The following PTPRK variants were observed in gnomAD, a reference collection of about 807,000 sequenced individuals.
The protein encoded by PTPRK is receptor-type tyrosine-protein phosphatase kappa.
In PTPRK, 75 loss-of-function variants were observed where a neutral mutation model predicts 178.0. The observed-to-expected ratio is 0.42, with a 90% CI of 0.35 to 0.51. The LOEUF (loss-of-function observed/expected upper bound fraction) is 0.51, where lower values mean the gene tolerates loss of function less well. Ranked by LOEUF, PTPRK falls within the 20% of genes least tolerant of loss-of-function variation. The pLI is 0.02. For missense variants in PTPRK, 1,441 were observed against 1,797.8 expected (o/e 0.80, Z 3.59); for synonymous variants, 637 against 620.6 (o/e 1.03, Z -0.39).
intron 29 of PTPRK, among the ~76,000 whole-genome samples, chr6:127,970,685 T>C (rs1383247166): frequency 6.6e-6 from 1 of 152,062 alleles, no homozygotes; most frequent in Admixed American, 6.6e-5. Flanking sequence ...AATATCACCT[T>C]AGTTTGCCTC....
chr6:128,498,263 T>C (rs548887783), intron 1 of PTPRK, among the ~76,000 whole-genome samples: 4 of 152,316 alleles, frequency 2.6e-5, no homozygotes, highest in African/African-American at 7.2e-5. Flanking sequence ...TCCTGGATAC[T>C]GAGGGGACTT....
chr6:128,462,509 T>C (rs928023978), intron 1 of PTPRK, among the ~76,000 whole-genome samples: 2 of 151,918 alleles, frequency 1.3e-5, no homozygotes, highest in East Asian at 1.9e-4. Context: ...TGGCTCAAAA[T>C]AGATCTAGAG....
intron 6 of PTPRK, among the ~76,000 whole-genome samples, chr6:128,204,883 T>C (rs539655627): frequency 2.6e-5 from 4 of 152,236 alleles, no homozygotes; most frequent in Non-Finnish European, 5.9e-5. Flanking sequence ...GAGGCAGAAA[T>C]ACCATTTGAC....
intron 1 of PTPRK, among the ~76,000 whole-genome samples, chr6:128,492,734 C>T (rs1854007074): frequency 6.6e-6 from 1 of 152,168 alleles, no homozygotes; most frequent in Admixed American, 6.5e-5. Flanking sequence ...TCAAGTTGGA[C>T]TGTTTGGCCT....
intron 7 of PTPRK, among the ~76,000 whole-genome samples, chr6:128,093,310 G>A (rs549819017): frequency 6.6e-5 from 10 of 151,946 alleles, no homozygotes; most frequent in Non-Finnish European, 1.5e-4. Flanking sequence ...GAAACAAAGT[G>A]ATGCTGGGCA....
Position 128,064,013 on chromosome 6 carries a change from C to A in PTPRK, c.2194+745G>T, listed in dbSNP as rs1224929168. On this transcript the variant is annotated intron_variant, in intron 13 of 29. Transcript: ENST00000368226. Reference sequence around the variant, plus strand: ...CTTTGAGGAGGCCCACGTCTGCATGCAGACAGCTTTTTCATGTTTCTCTTG... The same window carrying A: ...CTTTGAGGAGGCCCACGTCTGCATGAAGACAGCTTTTTCATGTTTCTCTTG... Among the ~76,000 whole-genome samples the A allele has an allele frequency of 2.0e-5, 3 of 152,206 alleles. No individual in the cohort carries two copies. The East Asian group carries it at 5.8e-4, about 29-fold the overall frequency.
At chr6:128,013,918 T>C (rs1779317309) in intron 13 of PTPRK, among the ~76,000 whole-genome samples, 2 of 151,514 alleles carry the variant, frequency 1.3e-5, no homozygotes, top group South Asian at 4.1e-4. Flanking sequence ...TTCAACTGTA[T>C]CATATCACTT....
intron 2 of PTPRK, among the ~76,000 whole-genome samples, chr6:128,353,980 G>A (rs1464834673): frequency 6.6e-6 from 1 of 152,000 alleles, no homozygotes; most frequent in African/African-American, 2.4e-5. Context: ...GAGGGAAAAT[G>A]GATAAAGGGA....
At chr6:128,474,464 G>C (rs1293217921) in intron 1 of PTPRK, among the ~76,000 whole-genome samples, 1 of 151,980 alleles carries the variant, frequency 6.6e-6, no homozygotes, top group Non-Finnish European at 1.5e-5. Flanking sequence ...TAAATGCTTA[G>C]AACAAGAACA....
chr6:128,505,850 G>C lies in PTPRK; in HGVS notation c.100+14409C>G, dbSNP rs116034482. ...CAACTCTGCAAATGAGCTAATAATT[G>C]TCAAAACTTTAGCCAGACCTTTCCA... On this transcript the variant is annotated intron_variant, in intron 1 of 29. Transcript: ENST00000368226. 9.2e-3 allele frequency among the ~76,000 whole-genome samples: 1,404 copies of C among 152,272 alleles called. 26 individuals are homozygous for C. The highest frequency in any genetic ancestry group is 0.032 in the African/African-American group (1,323 of 41,550).
chr6:128,519,377 C>A lies in PTPRK; in HGVS notation c.100+882G>T, dbSNP rs946927507. On this transcript the variant is annotated intron_variant, in intron 1 of 29. Transcript: ENST00000368226. The surrounding 1 kb of genome is among the most constrained non-coding windows in gnomAD (Gnocchi z 4.3). ...TGACCGAGAACCCCCAGGGCTACAGCGAGACGCTCCACTTGTCTCCTTTTG... is the reference window on the plus strand; with the variant it reads ...TGACCGAGAACCCCCAGGGCTACAGAGAGACGCTCCACTTGTCTCCTTTTG... Among the ~76,000 whole-genome samples, 10 of 152,214 alleles carry A rather than the reference C, an allele frequency of 6.6e-5. No homozygotes were observed. The highest frequency in any genetic ancestry group is 1.5e-4 in the Non-Finnish European group (10 of 68,044).
intron 1 of PTPRK, among the ~76,000 whole-genome samples, chr6:128,437,938 C>T (rs978020056): frequency 2.6e-5 from 4 of 152,250 alleles, no homozygotes. Context: ...GTTTCAAGAT[C>T]CCAGCTTATA....
chr6:128,386,064 A>G (rs1838672057), intron 2 of PTPRK, among the ~76,000 whole-genome samples: 1 of 152,192 alleles, frequency 6.6e-6, no homozygotes, highest in South Asian at 2.1e-4. Flanking sequence ...ATATAATAAT[A>G]AAGCTTTTTA....
At chr6:128,079,841 G>A (rs1784501719) in intron 10 of PTPRK, among the ~76,000 whole-genome samples, 1 of 152,006 alleles carries the variant, frequency 6.6e-6, no homozygotes, top group Non-Finnish European at 1.5e-5. Context: ...AAAAGTGGAA[G>A]ACCATTTGCC....
chr6:128,365,145 G>A (rs888645456), intron 2 of PTPRK, among the ~76,000 whole-genome samples: 1 of 152,032 alleles, frequency 6.6e-6, no homozygotes, highest in Non-Finnish European at 1.5e-5. Context: ...AGTCTGTAGT[G>A]TCCTACAGAA....
chr6:128,141,943 C>A (rs1036153879), intron 7 of PTPRK, among the ~76,000 whole-genome samples: 7 of 151,878 alleles, frequency 4.6e-5, no homozygotes, highest in African/African-American at 1.7e-4. Context: ...ATTGCCCCAT[C>A]TAAATTAAGA....
chr6:128,053,139 A>ATGTGTATGG (rs1229261003), intron 13 of PTPRK, among the ~76,000 whole-genome samples: 1 of 119,096 alleles, frequency 8.4e-6, no homozygotes, highest in African/African-American at 3.5e-5. Flanking sequence ...TCAGTGGACT[A>ATGTGTATGG]TGTGTATGGA....
At chr6:128,372,993 A>T (rs77638929) in intron 2 of PTPRK, among the ~76,000 whole-genome samples, 5,697 of 140,518 alleles carry the variant, frequency 0.041, 357 homozygotes, top group African/African-American at 0.14. Context: ...AGGTAATTTT[A>T]AAAAAAAAAA....
chr6:128,493,591 T>TACACACACACAC lies in PTPRK; in HGVS notation c.100+26656_100+26667dup, dbSNP rs59656384. Among the ~76,000 whole-genome samples the TACACACACACAC allele has an allele frequency of 1.1e-3, 137 of 124,018 alleles. 1 individual carries two copies. Among genetic ancestry groups the TACACACACACAC allele is most frequent in the African/African-American group, 3.4e-3 (110 of 32,244 alleles). The allele number at this position is 124,018 out of a possible 152,430, so 81.4% of individuals were successfully genotyped here. On this transcript the variant is annotated intron_variant, in intron 1 of 29. Transcript: ENST00000368226. ...AAAAAAAAAAGTACCTCCCGCCCCC[T>TACACACACACAC]ACACACACACACACACACACACACA...
Sources: gnomAD v4.1 joint callset for allele counts (sites outside exome capture counted in the v4.1 genomes callset) on GRCh38, gnomAD v4.1.1 for gene constraint, Gnocchi (gnomAD v3.1) non-coding constraint, MANE v1.5 for transcripts, NCBI Gene and HGNC (gene_info 2026-07-23, HGNC 2026-07-21) for gene names.